The following PCDH15 variants were observed in gnomAD, a reference collection of about 807,000 sequenced individuals.
The protein encoded by PCDH15 is protocadherin-15.
PCDH15 carries 129 observed loss-of-function variants against 178.5 expected under a neutral mutation model. That is an observed-to-expected ratio of 0.72 (90% confidence interval 0.63 to 0.84). The LOEUF is 0.84. Ranked by LOEUF, PCDH15 falls within the 40% of genes least tolerant of loss-of-function variation. The pLI, the probability that PCDH15 is intolerant of heterozygous loss-of-function variation, is 0.00. For synonymous variants in PCDH15, 800 were observed against 732.0 expected, an observed-to-expected ratio of 1.09 and a Z score of -1.50; for missense variants, 2,230 against 2,099.9, an observed-to-expected ratio of 1.06 and a Z score of -1.21.
rs1955555740 is a variant in PCDH15, at chr10:54,421,929, CTATATATATATATATAAAAATAT to C, written c.158-43010_158-42988del. 9.5e-5 allele frequency among the ~76,000 whole-genome samples: 10 copies of C among 105,714 alleles called. 1 individual carries two copies. The highest frequency in any genetic ancestry group is 4.2e-4 in the African/African-American group (10 of 23,880). 69.4% of individuals were successfully genotyped at this position (105,714 alleles called of 152,430 possible). On this transcript the variant is annotated intron_variant, in intron 3 of 37. Coordinates refer to ENST00000644397, the MANE Select transcript of PCDH15 (RefSeq NM_001384140.1). ...TATATACACTATATATATATATACA[CTATATATATATATATAAAAATAT>C]ATATATATATATTTAGGGAGGGCAT...
chr10:54,508,665 G>A (rs1730366593), intron 3 of PCDH15, among the ~76,000 whole-genome samples: 2 of 152,092 alleles, frequency 1.3e-5, no homozygotes, highest in South Asian at 2.1e-4. Context: ...CATCATTTAT[G>A]TACATAACTG....
intron 2 of PCDH15, among the ~76,000 whole-genome samples, chr10:54,548,436 A>C (rs1247735682): frequency 6.7e-6 from 1 of 148,212 alleles, no homozygotes; most frequent in African/African-American, 2.4e-5. Flanking sequence ...TTATTTGAAA[A>C]ACTAAGGAAA....
At chr10:53,816,523 A>C (rs2076065077) in intron 34 of PCDH15, among the ~76,000 whole-genome samples, 1 of 152,208 alleles carries the variant, frequency 6.6e-6, no homozygotes, top group Non-Finnish European at 1.5e-5. Flanking sequence ...TGACAAATTT[A>C]ATAGCCTTAA....
chr10:54,879,230 G>A (rs1954215275), intron 3 of PCDH15, among the ~76,000 whole-genome samples: 1 of 151,810 alleles, frequency 6.6e-6, no homozygotes, highest in Admixed American at 6.6e-5. Flanking sequence ...GTGCTTGTAT[G>A]TGTGTGTGTT....
At chr10:53,843,780 C>T (rs981034221) in intron 28 of PCDH15, among the ~76,000 whole-genome samples, 7 of 151,926 alleles carry the variant, frequency 4.6e-5, no homozygotes, top group African/African-American at 1.7e-4. Flanking sequence ...AAAATTATAG[C>T]AAAACTCACT....
intron 1 of PCDH15, among the ~76,000 whole-genome samples, chr10:54,793,381 C>T (rs905720965): frequency 6.6e-6 from 1 of 151,808 alleles, no homozygotes; most frequent in African/African-American, 2.4e-5. Flanking sequence ...AAGTCTGGGT[C>T]TTAAAACTGC....
At chr10:54,780,680 G>A (rs564846905) in intron 1 of PCDH15, among the ~76,000 whole-genome samples, 1 of 147,160 alleles carries the variant, frequency 6.8e-6, no homozygotes, top group South Asian at 2.2e-4. Flanking sequence ...AGGATTTGAG[G>A]TATGAATAAA....
At chr10:55,222,028 G>T (rs374656440) in intron 1 of PCDH15, among the ~76,000 whole-genome samples, 1 of 149,898 alleles carries the variant, frequency 6.7e-6, no homozygotes, top group Non-Finnish European at 1.5e-5. Flanking sequence ...CACCACACCC[G>T]GCTAATTTTT....
At chr10:54,450,775 G>T (rs2076435843) in intron 3 of PCDH15, among the ~76,000 whole-genome samples, 2 of 151,550 alleles carry the variant, frequency 1.3e-5, no homozygotes, top group South Asian at 4.2e-4. Flanking sequence ...AAAACAAACA[G>T]ATTACCCACA....
intron 3 of PCDH15, among the ~76,000 whole-genome samples, chr10:54,442,459 T>TATATATAC (rs1469736625): frequency 3.0e-4 from 28 of 93,446 alleles, no homozygotes; most frequent in African/African-American, 1.3e-3. Context: ...TATATATATA[T>TATATATAC]ACAGTCTTTT....
intron 26 of PCDH15, among the ~76,000 whole-genome samples, chr10:53,879,959 T>C (rs920620638): frequency 1.1e-4 from 17 of 152,232 alleles, no homozygotes. Context: ...GCCGTAACTT[T>C]ATATTCTATA....
chr10:53,903,486 C>A, intron 25 of PCDH15, 116 bp from the exon 26 acceptor site: 1 of 1,253,128 alleles, frequency 8.0e-7, no homozygotes, highest in Non-Finnish European at 1.1e-6. Flanking sequence ...AATCAAAAGC[C>A]ATTTCTAGAT....
chr10:55,025,308 T>C (rs932165615), intron 2 of PCDH15, among the ~76,000 whole-genome samples: 1 of 152,174 alleles, frequency 6.6e-6, no homozygotes, highest in Non-Finnish European at 1.5e-5. Flanking sequence ...AGATTTCAGA[T>C]GGTTTTATGT....
chr10:55,005,554 C>T (rs983557964), intron 2 of PCDH15, among the ~76,000 whole-genome samples: 1 of 152,008 alleles, frequency 6.6e-6, no homozygotes, highest in Non-Finnish European at 1.5e-5. Context: ...AAAGACTTAT[C>T]TTTTATTATC....
intron 3 of PCDH15, among the ~76,000 whole-genome samples, chr10:54,438,268 CTTTTTTT>C (rs1039826987): frequency 1.1e-5 from 1 of 93,992 alleles, no homozygotes; most frequent in African/African-American, 3.9e-5. Context: ...AAGAGAAAAG[CTTTTTTT>C]TTTTTTTTTT....
At position 55,251,025 on chromosome 10, in the gene PCDH15, A is replaced by T. The variant is rs573952117; in HGVS notation, c.-156+68574T>A. ...CAACTGACAATTCACATGCAGTTGT[A>T]GGAAAAAAATACACAAAGATCCTGT... On this transcript the variant is annotated intron_variant, in intron 1 of 5. Coordinates refer to the PCDH15 transcript ENST00000458638. Among the ~76,000 whole-genome samples, 123 of 152,252 alleles carry T rather than the reference A, an allele frequency of 8.1e-4. 1 individual carries two copies. The highest frequency in any genetic ancestry group is 2.1e-3 in the Admixed American group (32 of 15,292).
intron 3 of PCDH15, among the ~76,000 whole-genome samples, chr10:54,484,330 T>C (rs112670573): frequency 0.041 from 6,251 of 152,014 alleles, 207 homozygotes; most frequent in South Asian, 0.092. Flanking sequence ...TTCCCCTTCA[T>C]GCACTCAAGG....
intron 26 of PCDH15, among the ~76,000 whole-genome samples, chr10:53,874,892 T>A (rs949894921): frequency 2.0e-5 from 3 of 151,802 alleles, no homozygotes; most frequent in African/African-American, 4.8e-5. Flanking sequence ...TGAAAAAGTA[T>A]CTTTTAGAAA....
At chr10:54,944,000 T>C (rs1339036698) in intron 2 of PCDH15, among the ~76,000 whole-genome samples, 2 of 151,790 alleles carry the variant, frequency 1.3e-5, no homozygotes, top group Non-Finnish European at 2.9e-5. Flanking sequence ...AGAATAAAGA[T>C]TCAGAGGAGA....
Sources: allele counts gnomAD v4.1 joint callset (sites outside exome capture counted in the v4.1 genomes callset), GRCh38; gene constraint gnomAD v4.1.1; transcripts MANE v1.5; gene names NCBI Gene and HGNC (gene_info 2026-07-23, HGNC 2026-07-21).